The following PTPRN2 variants were observed in gnomAD, a reference collection of about 807,000 sequenced individuals.
PTPRN2 encodes protein tyrosine phosphatase receptor type N2.
PTPRN2 carries 74 observed loss-of-function variants against 118.8 expected under a neutral mutation model. That is an observed-to-expected ratio of 0.62 (90% confidence interval 0.52 to 0.76). The LOEUF is 0.76. Among genes scored for constraint, PTPRN2 ranks in the 30% least tolerant of loss-of-function variants. PTPRN2 has a pLI of 0.00. For synonymous variants in PTPRN2, 641 were observed against 608.0 expected (o/e 1.05, Z -0.80); for missense variants, 1,481 against 1,394.4 (o/e 1.06, Z -0.99).
intron 11 of PTPRN2, among the ~76,000 whole-genome samples, chr7:157,922,083 G>C (rs1362907651): frequency 6.6e-6 from 1 of 152,196 alleles, no homozygotes; most frequent in Non-Finnish European, 1.5e-5. Context: ...GTTTTTATTT[G>C]AAGTGCAGAT....
chr7:157,678,529 C>T (rs1796774563), intron 13 of PTPRN2, among the ~76,000 whole-genome samples: 1 of 152,202 alleles, frequency 6.6e-6, no homozygotes, highest in Non-Finnish European at 1.5e-5. Context: ...GCATTTGGGA[C>T]TTGCAGACAC....
chr7:157,634,052 G>C (rs1341549865), intron 14 of PTPRN2, among the ~76,000 whole-genome samples: 1 of 152,108 alleles, frequency 6.6e-6, no homozygotes, highest in Admixed American at 6.5e-5. Context: ...GGGCGAATGA[G>C]AGAACTGGGC....
At chr7:157,940,593 AGTGACACTGCAAATCTATCACCCTCACCT>A (rs1799998088) in intron 11 of PTPRN2, among the ~76,000 whole-genome samples, 2 of 105,894 alleles carry the variant, frequency 1.9e-5, no homozygotes, top group Non-Finnish European at 3.7e-5. Context: ...CACCCTCCCC[AGTGACACTGCAAATCTATCACCCTCACCT>A]GTGACACTGC....
chr7:158,133,670 TACTC>T lies in PTPRN2; in HGVS notation c.1556+3_1556+6del. 6.4e-7 allele frequency: 1 copy of T among 1,561,402 alleles called. No homozygotes were observed. Among genetic ancestry groups the T allele is most frequent in the Non-Finnish European group, 8.7e-7 (1 of 1,155,086 alleles). ...CACACAGGAGCTTAGCCAGGGCTGC[TACTC>T]ACTCTCTGTCTGTCACGATGTAGCC... is the stretch of plus-strand genomic sequence containing the variant. On this transcript the variant is annotated splice_donor_5th_base_variant and intron_variant, in intron 9 of 22. Transcript: ENST00000389418.
At position 157,690,460 on chromosome 7, in the gene PTPRN2, C is replaced by G. The variant is rs905992136; in HGVS notation, c.1789-7523G>C. 2.6e-5 allele frequency among the ~76,000 whole-genome samples: 4 copies of G among 152,244 alleles called. No homozygotes were observed. The highest frequency in any genetic ancestry group is 9.6e-5 in the African/African-American group (4 of 41,558). On this transcript the variant is annotated intron_variant, in intron 12 of 22. Transcript: ENST00000389418. This position sits in a 1 kb window ranked among gnomAD's most constrained non-coding sequence, Gnocchi z 7.1. ...GATGCTCTCGTGGGCCCTTCCTGCT[C>G]CCTCCGCCCCCATCCCAGCCTCTCT...
intron 11 of PTPRN2, among the ~76,000 whole-genome samples, chr7:158,038,675 C>G (rs1420611534): frequency 6.7e-6 from 1 of 148,338 alleles, no homozygotes; most frequent in Admixed American, 6.7e-5. Flanking sequence ...TAAATATGGT[C>G]TACATATATA....
At chr7:158,240,454 A>C (rs1196158736) in intron 3 of PTPRN2, among the ~76,000 whole-genome samples, 1 of 152,034 alleles carries the variant, frequency 6.6e-6, no homozygotes, top group Non-Finnish European at 1.5e-5. Flanking sequence ...TTCGAGATGG[A>C]CTCTCACTCT....
chr7:157,813,167 T>C lies in PTPRN2; in HGVS notation c.1788+85506A>G, dbSNP rs1806165973. 6.6e-6 allele frequency among the ~76,000 whole-genome samples: 1 copy of C among 151,990 alleles called. No individual in the cohort carries two copies. The highest frequency in any genetic ancestry group is 2.4e-5 in the African/African-American group (1 of 41,350). ...AACCACCCGGGCCCACAGACAAGCA[T>C]CTCCAGAGCGCGTGGGACCGTAGAG... On this transcript the variant is annotated intron_variant, in intron 12 of 22. Coordinates refer to ENST00000389418, the MANE Select transcript of PTPRN2 (RefSeq NM_002847.5). The surrounding 1 kb of genome is among the most constrained non-coding windows in gnomAD (Gnocchi z 4.7).
chr7:158,508,432 G>A (rs1822931445), intron 1 of PTPRN2, among the ~76,000 whole-genome samples: 1 of 152,144 alleles, frequency 6.6e-6, no homozygotes, highest in East Asian at 1.9e-4. Flanking sequence ...GATCATCAGG[G>A]CCAGGATGAC....
intron 11 of PTPRN2, among the ~76,000 whole-genome samples, chr7:157,916,801 C>T (rs1384612101): frequency 6.8e-6 from 1 of 147,164 alleles, no homozygotes; most frequent in Non-Finnish European, 1.5e-5. Flanking sequence ...CCCTCCCCAG[C>T]TGAAGGTCCC....
intron 3 of PTPRN2, among the ~76,000 whole-genome samples, chr7:158,275,246 C>T (rs536740597): frequency 1.1e-3 from 160 of 152,242 alleles, no homozygotes; most frequent in Non-Finnish European, 3.2e-4. Flanking sequence ...GCTCCCTGGA[C>T]GTTGGCCCAG....
chr7:157,830,520 G>A lies in PTPRN2; in HGVS notation c.1788+68153C>T, dbSNP rs139715757. 1.6e-3 allele frequency among the ~76,000 whole-genome samples: 243 copies of A among 151,728 alleles called. 1 individual carries two copies. The highest frequency in any genetic ancestry group is 5.3e-3 in the African/African-American group (219 of 41,342). On this transcript the variant is annotated intron_variant, in intron 12 of 22. Transcript: ENST00000389418. ...ATCACCACGCGGGGAGGGGTTGACC[G>A]TGCACCTGCTGTGGCCGGAGGCACA...
chr7:158,203,101 G>A (rs138789922), intron 4 of PTPRN2, among the ~76,000 whole-genome samples: 430 of 151,758 alleles, frequency 2.8e-3, no homozygotes, highest in African/African-American at 8.2e-3. Flanking sequence ...GTATGGTGGC[G>A]CGCACCTGTA....
At chr7:157,931,764 C>T (rs981307114) in intron 11 of PTPRN2, among the ~76,000 whole-genome samples, 3 of 152,086 alleles carry the variant, frequency 2.0e-5, no homozygotes, top group Admixed American at 6.5e-5. Context: ...GCATAGACTG[C>T]GGTCTGGGCT....
chr7:157,796,008 C>G (rs1329830520), intron 12 of PTPRN2, among the ~76,000 whole-genome samples: 1 of 152,248 alleles, frequency 6.6e-6, no homozygotes. Context: ...GTGCACACCC[C>G]TACCCTTCCT....
intron 12 of PTPRN2, among the ~76,000 whole-genome samples, chr7:157,758,130 T>C (rs988248060): frequency 6.6e-6 from 1 of 152,142 alleles, no homozygotes; most frequent in African/African-American, 2.4e-5. Flanking sequence ...CGGGATGGGA[T>C]GTGCTCCCCG....
chr7:158,495,139 G>A (rs1381562645), intron 1 of PTPRN2, among the ~76,000 whole-genome samples: 5 of 152,050 alleles, frequency 3.3e-5, no homozygotes, highest in Non-Finnish European at 5.9e-5. Flanking sequence ...TCTCACCACC[G>A]TGGGTTTCAA....
chr7:158,363,635 T>C (rs967280183), intron 2 of PTPRN2, among the ~76,000 whole-genome samples: 1 of 152,050 alleles, frequency 6.6e-6, no homozygotes, highest in Non-Finnish European at 1.5e-5. Flanking sequence ...GCTGATACAG[T>C]GAGACAGGCA....
intron 11 of PTPRN2, among the ~76,000 whole-genome samples, chr7:158,063,430 C>G (rs908132138): frequency 1.3e-5 from 2 of 152,194 alleles, no homozygotes; most frequent in African/African-American, 4.8e-5. Flanking sequence ...GACCAATCAG[C>G]TCTCTGTAAA....
Sources: gnomAD v4.1 joint callset for allele counts (sites outside exome capture counted in the v4.1 genomes callset) on GRCh38, gnomAD v4.1.1 for gene constraint, Gnocchi (gnomAD v3.1) non-coding constraint, MANE v1.5 for transcripts, NCBI Gene and HGNC (gene_info 2026-07-23, HGNC 2026-07-21) for gene names.